Variants in PHTF2 observed in about 807,000 individuals in gnomAD.
PHTF2 encodes protein PHTF2.
Under a neutral mutation model 101.2 loss-of-function variants are expected in PHTF2, and 60 were observed. That is an observed-to-expected ratio of 0.59 (90% CI 0.48 to 0.73). The LOEUF is 0.73. Among genes scored for constraint, PHTF2 ranks in the 30% least tolerant of loss-of-function variants. The pLI is 0.00. For synonymous variants in PHTF2, 311 were observed against 307.3 expected (o/e 1.01, Z -0.13); for missense variants, 747 against 908.7 (o/e 0.82, Z 2.29).
At position 77,940,662 on chromosome 7, in the gene PHTF2, A is replaced by G; in HGVS notation, c.1872+3A>G. On this transcript the variant is annotated splice_donor_region_variant and intron_variant, in intron 15 of 19. Transcript: ENST00000416283. ...TATCTCTCCGTTCCTATCTTAAGGT[A>G]GAATGGGAGTGATAAAAGTAGCTTT... 6.3e-7 allele frequency: 1 copy of G among 1,584,586 alleles called. No homozygotes were observed. Among genetic ancestry groups the G allele is most frequent in the Non-Finnish European group, 8.6e-7 (1 of 1,163,026 alleles).
intron 1 of PHTF2, among the ~76,000 whole-genome samples, chr7:77,814,765 C>A (rs185755627): frequency 5.3e-5 from 8 of 152,134 alleles, no homozygotes; most frequent in African/African-American, 1.9e-4. Context: ...CGCGCCCGGT[C>A]TGGGGGGGCA....
chr7:77,917,821 G>T (rs1369730471), intron 9 of PHTF2, among the ~76,000 whole-genome samples: 2 of 152,148 alleles, frequency 1.3e-5, no homozygotes. Context: ...TAAACTCTGA[G>T]AGTAATACTT....
chr7:77,942,704 G>A (rs1805728510), exon 16 of PHTF2: 1 of 1,584,876 alleles, frequency 6.3e-7, no homozygotes, highest in Non-Finnish European at 8.6e-7. Flanking sequence ...CTGCAGCGTC[G>A]AGGTCCTCAG....
intron 9 of PHTF2, among the ~76,000 whole-genome samples, chr7:77,910,805 C>T (rs554133073): frequency 1.3e-4 from 20 of 152,150 alleles, no homozygotes; most frequent in African/African-American, 4.6e-4. Context: ...CCACACCTGG[C>T]TAATTTTTTG....
At chr7:77,843,012 T>C (rs1796006655) in intron 2 of PHTF2, among the ~76,000 whole-genome samples, 1 of 152,218 alleles carries the variant, frequency 6.6e-6, no homozygotes, top group South Asian at 2.1e-4. Context: ...ACAGCCTTTG[T>C]TGAATAACAC....
chr7:77,940,770 A>G (rs1323278471), intron 15 of PHTF2, 111 bp downstream of exon 14: 4 of 698,108 alleles, frequency 5.7e-6, no homozygotes, highest in African/African-American at 3.7e-5. Context: ...GCTTTTACTC[A>G]TTCAAAAACT....
exon 12 of PHTF2, chr7:77,929,119 A>C (rs766439900): frequency 6.2e-7 from 1 of 1,613,170 alleles, no homozygotes; most frequent in Non-Finnish European, 8.5e-7. Context: ...GACGCCCCTA[A>C]ATCGGGTACT....
intron 3 of PHTF2, among the ~76,000 whole-genome samples, chr7:77,868,542 A>C (rs1798263075): frequency 6.6e-6 from 1 of 152,132 alleles, no homozygotes; most frequent in Non-Finnish European, 1.5e-5. Flanking sequence ...TGATTAATTA[A>C]AAACAAATTT....
exon 14 of PHTF2, chr7:77,940,125 A>G: frequency 2.5e-6 from 4 of 1,613,852 alleles, no homozygotes; most frequent in East Asian, 2.2e-5. Context: ...GACTTTCTCA[A>G]GCTACAGACT....
chr7:77,934,029 T>C (rs1447803014), intron 12 of PHTF2, among the ~76,000 whole-genome samples: 1 of 152,202 alleles, frequency 6.6e-6, no homozygotes, highest in Non-Finnish European at 1.5e-5. Context: ...GATTTTTAAT[T>C]CTCAGGTTTC....
chr7:77,854,677 C>T, intron 2 of PHTF2: 3 of 697,426 alleles, frequency 4.3e-6, no homozygotes, highest in Admixed American at 2.0e-5. Flanking sequence ...GTTGTGTTGG[C>T]ACCCAAGCCA....
chr7:77,813,069 G>A (rs1003236899), intron 1 of PHTF2, among the ~76,000 whole-genome samples: 6 of 152,206 alleles, frequency 3.9e-5, no homozygotes, highest in South Asian at 2.1e-4. Flanking sequence ...ATAGATGCAT[G>A]GTATTTATTT....
chr7:77,940,376 T>G, intron 14 of PHTF2, 74 bp downstream of exon 13: 2 of 1,381,576 alleles, frequency 1.4e-6, no homozygotes, highest in Non-Finnish European at 2.0e-6. Context: ...CTGAAGTACT[T>G]TATTATTTCA....
At chr7:77,819,986 T>A (rs550722294) in intron 1 of PHTF2, among the ~76,000 whole-genome samples, 1 of 152,208 alleles carries the variant, frequency 6.6e-6, no homozygotes, top group African/African-American at 2.4e-5. Flanking sequence ...GCCTCCCAGG[T>A]TCAAGTGATT....
At chr7:77,846,702 A>C (rs1796331199) in intron 2 of PHTF2, among the ~76,000 whole-genome samples, 1 of 148,432 alleles carries the variant, frequency 6.7e-6, no homozygotes, top group Non-Finnish European at 1.5e-5. Flanking sequence ...TTGTGCAGTG[A>C]CACAGTCATG....
chr7:77,867,462 C>A (rs1798159142), intron 3 of PHTF2, among the ~76,000 whole-genome samples: 1 of 152,186 alleles, frequency 6.6e-6, no homozygotes, highest in African/African-American at 2.4e-5. Flanking sequence ...ATAGAGATAG[C>A]TGTAATACCT....
rs112227873 is a variant in PHTF2, at chr7:77,808,777, C to T, written c.-36+9806C>T. Among the ~76,000 whole-genome samples the T allele has an allele frequency of 6.9e-3, 1,056 of 152,302 alleles. 5 individuals are homozygous for T. The highest frequency in any genetic ancestry group is 0.024 in the African/African-American group (985 of 41,556). On this transcript the variant is annotated intron_variant, in intron 1 of 19. Coordinates refer to ENST00000416283, the Ensembl canonical transcript of PHTF2. Reference sequence around the variant, plus strand: ...GGTCTTTGGTTTTCCCCTTCTAGCACTGCATCCTGGAAACTTTGCAGACAG... The same window carrying T: ...GGTCTTTGGTTTTCCCCTTCTAGCATTGCATCCTGGAAACTTTGCAGACAG...
chr7:77,809,050 C>A (rs1793209669), intron 1 of PHTF2, among the ~76,000 whole-genome samples: 1 of 151,740 alleles, frequency 6.6e-6, no homozygotes, highest in Non-Finnish European at 1.5e-5. Context: ...ATTTTTAAAT[C>A]CCAAATTTGT....
intron 11 of PHTF2, among the ~76,000 whole-genome samples, chr7:77,925,858 C>T (rs1456942142): frequency 6.6e-6 from 1 of 151,954 alleles, no homozygotes; most frequent in Non-Finnish European, 1.5e-5. Context: ...GAGATCAAGA[C>T]CATCCTGGCC....
Sources: gnomAD v4.1 joint callset for allele counts (sites outside exome capture counted in the v4.1 genomes callset) on GRCh38, gnomAD v4.1.1 for gene constraint, MANE v1.5 for transcripts, NCBI Gene and HGNC (gene_info 2026-07-23, HGNC 2026-07-21) for gene names.